Variants in RCAN2 observed in about 807,000 individuals in gnomAD.
The protein encoded by RCAN2 is calcipressin-2.
RCAN2 carries 9 observed loss-of-function variants against 23.6 expected under a neutral mutation model. That is an observed-to-expected ratio of 0.38 (90% confidence interval 0.23 to 0.67). The LOEUF (loss-of-function observed/expected upper bound fraction) is 0.67, where lower values mean the gene tolerates loss of function less well. RCAN2 is among the 30% of genes least tolerant of loss of function. The pLI, the probability that RCAN2 is intolerant of heterozygous loss-of-function variation, is 0.51. For missense variants in RCAN2, 273 were observed against 302.3 expected (o/e 0.90, Z 0.72); for synonymous variants, 109 against 115.7 (o/e 0.94, Z 0.37).
chr6:46,236,289 C>A (rs1562096442), intron 4 of RCAN2, among the ~76,000 whole-genome samples: 1 of 152,180 alleles, frequency 6.6e-6, no homozygotes, highest in Admixed American at 6.5e-5. Flanking sequence ...CAAAATGAAC[C>A]TATCCTTTTT....
rs536625391 is a variant in RCAN2, at chr6:46,300,009, G to T, written c.226-51113C>A. On this transcript the variant is annotated intron_variant, in intron 2 of 4. Transcript: ENST00000371374. ...AAAGTAATTATTAAAAGTATATATA[G>T]TATGTATATTGTAAACTCCAGGGCA... 1.4e-3 allele frequency among the ~76,000 whole-genome samples: 213 copies of T among 151,842 alleles called. 2 individuals carry two copies. Among genetic ancestry groups the T allele is most frequent in the South Asian group, 6.4e-3 (31 of 4,808 alleles).
intron 2 of RCAN2, among the ~76,000 whole-genome samples, chr6:46,263,378 T>C (rs1275034941): frequency 1.3e-5 from 2 of 152,174 alleles, no homozygotes; most frequent in South Asian, 2.1e-4. Context: ...CCTTCTTCTA[T>C]TGAGCTTTAA....
chr6:46,403,277 T>C (rs1220668809), intron 2 of RCAN2, among the ~76,000 whole-genome samples: 1 of 151,934 alleles, frequency 6.6e-6, no homozygotes, highest in African/African-American at 2.4e-5. Flanking sequence ...CGTTTGATTT[T>C]TAAAAAATTC....
rs1201753763 is a variant in RCAN2 at position 46,469,702 on chromosome 6, T to C, written c.-2-12724A>G. Among the ~76,000 whole-genome samples the C allele has an allele frequency of 3.9e-5, 6 of 152,162 alleles. No individual in the cohort carries two copies. The South Asian group carries it at 8.3e-4, about 21-fold the overall frequency. On this transcript the variant is annotated intron_variant, in intron 1 of 4. Transcript: ENST00000371374. ...TCCAAAAGAGCTGGTGGAATGCTTG[T>C]GCTATGTTATGAATGTGTCCCCTCC...
At chr6:46,284,882 C>A (rs886153881) in intron 2 of RCAN2, among the ~76,000 whole-genome samples, 19 of 152,206 alleles carry the variant, frequency 1.2e-4, no homozygotes, top group Non-Finnish European at 2.4e-4. Context: ...ATTAAATACT[C>A]AACTGTTAAG....
At chr6:46,293,551 CAAAT>C (rs1762632222) in intron 2 of RCAN2, among the ~76,000 whole-genome samples, 1 of 152,120 alleles carries the variant, frequency 6.6e-6, no homozygotes, top group Admixed American at 6.6e-5. Flanking sequence ...ATAAGAAATT[CAAAT>C]TGGGATAAAC....
chr6:46,480,135 G>A (rs1768816935), intron 1 of RCAN2, among the ~76,000 whole-genome samples: 2 of 152,130 alleles, frequency 1.3e-5, no homozygotes, highest in African/African-American at 4.8e-5. Flanking sequence ...GGAATGGTGG[G>A]CTGTGGTGAC....
chr6:46,356,310 G>A (rs1764830057), intron 2 of RCAN2, among the ~76,000 whole-genome samples: 1 of 152,130 alleles, frequency 6.6e-6, no homozygotes, highest in Non-Finnish European at 1.5e-5. Context: ...GGTCAGTGAT[G>A]GGCCTCTCTT....
At chr6:46,273,594 A>G (rs1328478752) in intron 2 of RCAN2, among the ~76,000 whole-genome samples, 1 of 152,264 alleles carries the variant, frequency 6.6e-6, no homozygotes, top group Non-Finnish European at 1.5e-5. Flanking sequence ...TTATGACCAT[A>G]GCTCCTTTAT....
At chr6:46,278,697 C>G (rs1767796839) in intron 2 of RCAN2, among the ~76,000 whole-genome samples, 1 of 152,182 alleles carries the variant, frequency 6.6e-6, no homozygotes, top group African/African-American at 2.4e-5. Context: ...ATTCCTCACT[C>G]TTTGACATTG....
rs147195996 is a variant in RCAN2 at position 46,422,896 on chromosome 6, T to G, written c.225+33856A>C. ...ACTACTGATGAGGAGGTGAAGAGAA[T>G]AAACAAAGCTCTCAAGGGCATTTTT... On this transcript the variant is annotated intron_variant, in intron 2 of 4. Coordinates refer to ENST00000371374, the MANE Select transcript of RCAN2 (RefSeq NM_001251974.2). Among the ~76,000 whole-genome samples the G allele has an allele frequency of 6.4e-3, 978 of 152,240 alleles. 12 individuals carry two copies. The highest frequency in any genetic ancestry group is 0.023 in the African/African-American group (950 of 41,544).
At chr6:46,237,565 C>T (rs758623698) in intron 4 of RCAN2, among the ~76,000 whole-genome samples, 1 of 152,206 alleles carries the variant, frequency 6.6e-6, no homozygotes, top group Non-Finnish European at 1.5e-5. Flanking sequence ...AGTGTTCCCT[C>T]TGTGTTCTCT....
chr6:46,467,679 C>A (rs1334130436), intron 1 of RCAN2, among the ~76,000 whole-genome samples: 15 of 152,206 alleles, frequency 9.9e-5, no homozygotes, highest in Admixed American at 7.9e-4. Context: ...TCTCTGGGCA[C>A]CATATGCAAT....
At chr6:46,376,715 C>CA (rs35329945) in intron 2 of RCAN2, among the ~76,000 whole-genome samples, 9 of 150,012 alleles carry the variant, frequency 6.0e-5, no homozygotes, top group East Asian at 5.9e-4. Context: ...AACAAACAAA[C>CA]AAAAAAAAAA....
Position 46,356,535 on chromosome 6 carries a change from C to T in RCAN2, c.225+100217G>A, listed in dbSNP as rs1466998410. 2.0e-5 allele frequency among the ~76,000 whole-genome samples: 3 copies of T among 152,132 alleles called. No individual in the cohort carries two copies. In the East Asian group the frequency reaches 5.8e-4, roughly 29 times the overall value. On this transcript the variant is annotated intron_variant, in intron 2 of 4. Coordinates refer to ENST00000371374, the MANE Select transcript of RCAN2 (RefSeq NM_001251974.2). ...CTCTTTTTCAGCCAATTAGAAACCT[C>T]CTGGGGGAAATCACTCCTTTCAGAT...
At chr6:46,406,597 T>C (rs1007690016) in intron 2 of RCAN2, among the ~76,000 whole-genome samples, 2 of 152,254 alleles carry the variant, frequency 1.3e-5, no homozygotes, top group Non-Finnish European at 2.9e-5. Context: ...AAAATGTTTC[T>C]GTCAGCTCTC....
chr6:46,384,165 TTTAGTA>T (rs1765681484), intron 2 of RCAN2, among the ~76,000 whole-genome samples: 1 of 152,182 alleles, frequency 6.6e-6, no homozygotes, highest in Non-Finnish European at 1.5e-5. Context: ...CCCACTCTCC[TTTAGTA>T]TTAGGGGTAT....
chr6:46,420,297 T>C (rs1360543169), intron 2 of RCAN2, among the ~76,000 whole-genome samples: 1 of 152,116 alleles, frequency 6.6e-6, no homozygotes, highest in East Asian at 1.9e-4. Flanking sequence ...CAGACTACCG[T>C]GTGCAAGAGT....
At chr6:46,279,088 T>C (rs564547513) in intron 2 of RCAN2, among the ~76,000 whole-genome samples, 1 of 152,322 alleles carries the variant, frequency 6.6e-6, no homozygotes, top group African/African-American at 2.4e-5. Context: ...GTTCTTACCC[T>C]TGAATAGGTA....
Sources: gnomAD v4.1 joint callset for allele counts (sites outside exome capture counted in the v4.1 genomes callset) on GRCh38, gnomAD v4.1.1 for gene constraint, MANE v1.5 for transcripts, NCBI Gene and HGNC (gene_info 2026-07-23, HGNC 2026-07-21) for gene names.